Variants in UST observed in about 807,000 individuals in gnomAD.
UST encodes the protein chondroitin sulfate 2-O-sulfotransferase.
UST carries 21 observed loss-of-function variants against 45.6 expected under a neutral mutation model. The observed-to-expected ratio is 0.46, with a 90% confidence interval of 0.33 to 0.66. UST has a LOEUF of 0.66. Ranked by LOEUF, UST falls within the 30% of genes least tolerant of loss-of-function variation. UST has a pLI of 0.02. For synonymous variants in UST, 215 were observed against 200.6 expected (o/e 1.07, Z -0.61); for missense variants, 463 against 512.4 (o/e 0.90, Z 0.93).
intron 7 of UST, among the ~76,000 whole-genome samples, chr6:149,073,254 G>A (rs1776843669): frequency 6.6e-6 from 1 of 152,182 alleles, no homozygotes; most frequent in Non-Finnish European, 1.5e-5. Flanking sequence ...TGGGTACATG[G>A]TGAGAACCTG....
intron 1 of UST, among the ~76,000 whole-genome samples, chr6:148,877,927 G>T (rs1367599742): frequency 9.9e-6 from 1 of 101,044 alleles, no homozygotes; most frequent in Non-Finnish European, 2.1e-5. Context: ...GATTGTGTAT[G>T]AGTGGGGGGG....
chr6:148,853,532 G>A (rs182950853), intron 1 of UST, among the ~76,000 whole-genome samples: 75 of 152,284 alleles, frequency 4.9e-4, no homozygotes, highest in Non-Finnish European at 6.5e-4. Flanking sequence ...CTGAGGAATT[G>A]TCACACCGTC....
intron 7 of UST, among the ~76,000 whole-genome samples, chr6:149,044,719 G>A (rs574775826): frequency 4.6e-5 from 7 of 152,286 alleles, no homozygotes; most frequent in Admixed American, 2.0e-4. Flanking sequence ...AATGCTGGGC[G>A]CAGCTGAAAG....
chr6:148,951,740 G>C (rs942966754), intron 3 of UST, among the ~76,000 whole-genome samples: 2 of 152,218 alleles, frequency 1.3e-5, no homozygotes, highest in Admixed American at 1.3e-4. Context: ...CCGGCTGAGA[G>C]CTGAAATGTA....
At chr6:148,879,770 C>A (rs1288289562) in intron 1 of UST, among the ~76,000 whole-genome samples, 1 of 152,112 alleles carries the variant, frequency 6.6e-6, no homozygotes, top group East Asian at 1.9e-4. Flanking sequence ...CTCATGCATT[C>A]CTTACAATAA....
At chr6:148,945,714 A>C (rs1434943967) in intron 3 of UST, among the ~76,000 whole-genome samples, 1 of 152,258 alleles carries the variant, frequency 6.6e-6, no homozygotes, top group Non-Finnish European at 1.5e-5. Context: ...AACTGCAAAC[A>C]AACTGTTTGA....
At chr6:148,876,892 G>A (rs1778663932) in intron 1 of UST, among the ~76,000 whole-genome samples, 1 of 149,058 alleles carries the variant, frequency 6.7e-6, no homozygotes, top group South Asian at 2.2e-4. Flanking sequence ...TTTCAGGGAT[G>A]AGACCAGAGG....
chr6:148,895,537 C>T (rs1779110457), intron 2 of UST, among the ~76,000 whole-genome samples: 1 of 152,170 alleles, frequency 6.6e-6, no homozygotes, highest in African/African-American at 2.4e-5. Context: ...TTGGCTGTGT[C>T]CCTACCAAAA....
chr6:149,013,543 A>T (rs1488679243), intron 5 of UST, among the ~76,000 whole-genome samples: 1 of 152,116 alleles, frequency 6.6e-6, no homozygotes. Flanking sequence ...AAAAGAGAAA[A>T]AAAAAGTTGG....
intron 1 of UST, among the ~76,000 whole-genome samples, chr6:148,782,397 G>C (rs1776659071): frequency 6.6e-6 from 1 of 152,004 alleles, no homozygotes; most frequent in Non-Finnish European, 1.5e-5. Context: ...CTGAAAATGG[G>C]ACTAAATTGC....
At chr6:149,060,269 A>C (rs1279644497) in intron 7 of UST, among the ~76,000 whole-genome samples, 4 of 151,908 alleles carry the variant, frequency 2.6e-5, no homozygotes, top group Non-Finnish European at 4.4e-5. Context: ...TTACTTTATC[A>C]ACCCTCAGCA....
At chr6:148,850,317 T>C (rs973538089) in intron 1 of UST, among the ~76,000 whole-genome samples, 13 of 152,196 alleles carry the variant, frequency 8.5e-5, no homozygotes, top group African/African-American at 2.4e-4. Context: ...TTAACTATCA[T>C]GCTACACCCC....
intron 7 of UST, among the ~76,000 whole-genome samples, chr6:149,068,617 G>A (rs2879862): frequency 0.26 from 39,296 of 152,008 alleles, 5,224 homozygotes; most frequent in African/African-American, 0.29. Context: ...TTTTATTGAT[G>A]TATAATATTT....
chr6:149,060,172 G>A (rs1582982047), intron 7 of UST, among the ~76,000 whole-genome samples: 1 of 152,296 alleles, frequency 6.6e-6, no homozygotes, highest in South Asian at 2.1e-4. Flanking sequence ...TTCTCTTGAA[G>A]GTCCAAGTGA....
chr6:148,825,624 A>G (rs1777555176), intron 1 of UST, among the ~76,000 whole-genome samples: 1 of 152,210 alleles, frequency 6.6e-6, no homozygotes, highest in African/African-American at 2.4e-5. Flanking sequence ...GGGACCATCC[A>G]TCTTTCCACG....
At chr6:149,010,321 T>C (rs778395186) in intron 5 of UST, among the ~76,000 whole-genome samples, 4 of 152,330 alleles carry the variant, frequency 2.6e-5, no homozygotes, top group Non-Finnish European at 5.9e-5. Context: ...TGTGAGACCA[T>C]TGTAGTTGTG....
intron 2 of UST, among the ~76,000 whole-genome samples, chr6:148,888,636 G>A (rs940992138): frequency 6.6e-6 from 1 of 152,118 alleles, no homozygotes; most frequent in Non-Finnish European, 1.5e-5. Flanking sequence ...ACTGACATGC[G>A]ATAAACATTA....
chr6:148,816,943 G>C (rs2114737901), intron 1 of UST, among the ~76,000 whole-genome samples: 1 of 152,172 alleles, frequency 6.6e-6, no homozygotes, highest in South Asian at 2.1e-4. Flanking sequence ...TTGAAGTCAT[G>C]GCCCTTAAGG....
At chr6:149,048,750 T>A (rs947534452) in intron 7 of UST, among the ~76,000 whole-genome samples, 10 of 152,084 alleles carry the variant, frequency 6.6e-5, no homozygotes, top group African/African-American at 2.4e-4. Flanking sequence ...TACCAACAAA[T>A]ACACTAAGAA....
Sources: gnomAD v4.1 joint callset for allele counts (sites outside exome capture counted in the v4.1 genomes callset) on GRCh38, gnomAD v4.1.1 for gene constraint, MANE v1.5 for transcripts, NCBI Gene and HGNC (gene_info 2026-07-23, HGNC 2026-07-21) for gene names.